Variants in TPGS2 observed in about 807,000 individuals in gnomAD.
TPGS2 encodes the protein tubulin polyglutamylase complex subunit 2, also known as polyglutamylase subunit 2.
A neutral mutation model predicts 31.1 loss-of-function variants in TPGS2; 26 were observed. The ratio of observed to expected loss-of-function variants is 0.84; its 90% CI spans 0.61 to 1.16. TPGS2 has a LOEUF of 1.16. Among genes scored for constraint, TPGS2 ranks in the 50% most tolerant of loss-of-function variants. The pLI is 0.00. For missense variants in TPGS2, 351 were observed against 363.8 expected, an observed-to-expected ratio of 0.96 and a Z score of 0.29; for synonymous variants, 130 against 136.6, an observed-to-expected ratio of 0.95 and a Z score of 0.34.
intron 6 of TPGS2, among the ~76,000 whole-genome samples, chr18:36,784,066 G>T (rs1170761560): frequency 6.6e-6 from 1 of 152,254 alleles, no homozygotes; most frequent in East Asian, 1.9e-4. Context: ...AATAGGTGCT[G>T]CCCTGGAGCC....
intron 4 of TPGS2, among the ~76,000 whole-genome samples, chr18:36,802,912 T>C (rs910112484): frequency 1.6e-4 from 25 of 152,250 alleles, no homozygotes; most frequent in South Asian, 6.2e-4. Flanking sequence ...AGGTGTGAGC[T>C]ACCGCACCCG....
chr18:36,803,857 C>T (rs2044968173), intron 4 of TPGS2, among the ~76,000 whole-genome samples: 1 of 151,902 alleles, frequency 6.6e-6, no homozygotes, highest in Non-Finnish European at 1.5e-5. Flanking sequence ...AGATTTTTAT[C>T]TGTGTCCTCT....
At chr18:36,825,194 A>C (rs1213630938) in intron 1 of TPGS2, among the ~76,000 whole-genome samples, 1 of 152,142 alleles carries the variant, frequency 6.6e-6, no homozygotes, top group Non-Finnish European at 1.5e-5. Context: ...GCACTTTGGG[A>C]GGCCGAGGCA....
At chr18:36,784,317 T>C (rs2044082170) in intron 6 of TPGS2, among the ~76,000 whole-genome samples, 1 of 152,252 alleles carries the variant, frequency 6.6e-6, no homozygotes, top group African/African-American at 2.4e-5. Flanking sequence ...AGGAGAGTCA[T>C]GGTCCTTCCC....
intron 1 of TPGS2, among the ~76,000 whole-genome samples, chr18:36,822,146 G>C (rs2045921495): frequency 6.6e-6 from 1 of 152,224 alleles, no homozygotes; most frequent in Non-Finnish European, 1.5e-5. Flanking sequence ...GAAATTTTGA[G>C]AGCTGTGACT....
chr18:36,804,622 A>G (rs1199083573), intron 4 of TPGS2, among the ~76,000 whole-genome samples: 1 of 152,172 alleles, frequency 6.6e-6, no homozygotes, highest in African/African-American at 2.4e-5. Context: ...GTGAACCCCA[A>G]GGTCTTAGTA....
chr18:36,801,797 G>A (rs1385712874), intron 4 of TPGS2, among the ~76,000 whole-genome samples: 1 of 152,050 alleles, frequency 6.6e-6, no homozygotes, highest in Non-Finnish European at 1.5e-5. Context: ...GGTGTTTCTT[G>A]TTATCATTTG....
At chr18:36,817,424 T>A (rs1430849463) in intron 2 of TPGS2, among the ~76,000 whole-genome samples, 2 of 150,782 alleles carry the variant, frequency 1.3e-5, no homozygotes, top group East Asian at 3.9e-4. Context: ...AACAAATTTT[T>A]CTTTCTTTCT....
chr18:36,787,164 G>A (rs2044152558), intron 6 of TPGS2: 3 of 1,227,220 alleles, frequency 2.4e-6, no homozygotes, highest in Non-Finnish European at 3.0e-6. Context: ...GTTACAGGTA[G>A]CACATTAAAT....
At chr18:36,807,751 T>C (rs1032249404) in intron 3 of TPGS2, 96 bp downstream of exon 3, 3 of 1,133,922 alleles carry the variant, frequency 2.6e-6, no homozygotes, top group Non-Finnish European at 3.9e-6. Flanking sequence ...ATGAAAACCA[T>C]CCAGATTCAA....
chr18:36,811,832 G>T (rs951363957), intron 2 of TPGS2, among the ~76,000 whole-genome samples: 1 of 152,238 alleles, frequency 6.6e-6, no homozygotes, highest in African/African-American at 2.4e-5. Flanking sequence ...AACAGAAAGA[G>T]AAATGAGGGA....
chr18:36,799,865 A>G (rs1156868577), intron 5 of TPGS2, among the ~76,000 whole-genome samples: 2 of 152,182 alleles, frequency 1.3e-5, no homozygotes, highest in Non-Finnish European at 2.9e-5. Flanking sequence ...AGTATAAAAG[A>G]TAATGTGTTT....
intron 1 of TPGS2, 92 bp downstream of exon 1, chr18:36,828,591 G>T: frequency 7.2e-7 from 1 of 1,394,048 alleles, no homozygotes; most frequent in Non-Finnish European, 1.0e-6. Flanking sequence ...CTGTTCTGGG[G>T]CCAGCGTCGC....
chr18:36,782,143 T>C (rs2044033380), downstream of TPGS2, among the ~76,000 whole-genome samples: 1 of 152,222 alleles, frequency 6.6e-6, no homozygotes, highest in Admixed American at 6.5e-5. Flanking sequence ...TATGTCAATG[T>C]CCTCCTGAGG....
chr18:36,787,688 G>A (rs2044172636), intron 6 of TPGS2, among the ~76,000 whole-genome samples: 1 of 152,204 alleles, frequency 6.6e-6, no homozygotes, highest in South Asian at 2.1e-4. Flanking sequence ...TCAGCACACA[G>A]CAGCAGGTGG....
chr18:36,795,276 C>T lies in TPGS2; in HGVS notation c.*1529G>A. 1 of 985,390 alleles carries T rather than the reference C, an allele frequency of 1.0e-6. No homozygotes were observed. Among genetic ancestry groups the T allele is most frequent in the South Asian group, 4.7e-5 (1 of 21,280 alleles). 61.0% of individuals were successfully genotyped at this position (985,390 alleles called of 1,614,324 possible). A position where few individuals can be genotyped will look rare whatever the true frequency, so the allele number is the denominator to read the frequency against. On this transcript the variant is annotated 3_prime_UTR_variant, in exon 7 of 7. Coordinates refer to ENST00000334295, the MANE Select transcript of TPGS2 (RefSeq NM_015476.4). ...CCCCAGTGGGTTTGGAAGAGGGAAA[C>T]CCTGGGTCGATTAGCAGGTAGACAG... is the stretch of plus-strand genomic sequence containing the variant.
Position 36,795,334 on chromosome 18 carries a change from G to A in TPGS2, c.*1471C>T, listed in dbSNP as rs867106883. 1.1e-5 allele frequency: 11 copies of A among 985,426 alleles called. No homozygotes were observed. Among genetic ancestry groups the A allele is most frequent in the Non-Finnish European group, 1.3e-5 (11 of 830,046 alleles). The allele number at this position is 985,426 out of a possible 1,614,324, so 61.0% of individuals were successfully genotyped here. The stretch of plus-strand genomic sequence containing the variant: ...GAAGGAAGTCTGGCCAATCACCGGG[G>A]TAGAGAGAAGTCAGGAAAGAGAATG... On this transcript the variant is annotated 3_prime_UTR_variant, in exon 7 of 7. Transcript: ENST00000334295.
chr18:36,805,653 A>G, intron 3 of TPGS2, 151 bp from the exon 4 acceptor site: 1 of 1,112,840 alleles, frequency 9.0e-7, no homozygotes, highest in East Asian at 2.5e-5. Flanking sequence ...AGGATTACTC[A>G]CTGCATATTC....
Position 36,795,140 on chromosome 18 carries a change from G to C in TPGS2, c.*1665C>G. On this transcript the variant is annotated 3_prime_UTR_variant, in exon 7 of 7. Coordinates refer to ENST00000334295, the MANE Select transcript of TPGS2 (RefSeq NM_015476.4). ...GGGCTATGGAAAGTGGTAGGTGGAG[G>C]AGATATCGAAGGCGCTTTCTCATGA... 1.0e-6 allele frequency: 1 copy of C among 985,414 alleles called. No individual in the cohort carries two copies. The highest frequency in any genetic ancestry group is 1.2e-6 in the Non-Finnish European group (1 of 829,940). The allele number at this position is 985,414 out of a possible 1,614,324, so 61.0% of individuals were successfully genotyped here.
Sources: allele counts gnomAD v4.1 joint callset (sites outside exome capture counted in the v4.1 genomes callset), GRCh38; gene constraint gnomAD v4.1.1; transcripts MANE v1.5; gene names NCBI Gene and HGNC (gene_info 2026-07-23, HGNC 2026-07-21).